PCSK5: variants seen among roughly 807,000 people sequenced by gnomAD.
The protein encoded by PCSK5 is proprotein convertase subtilisin/kexin type 5.
In PCSK5, 129 loss-of-function variants were observed where a neutral mutation model predicts 233.2. That is an observed-to-expected ratio of 0.55 (90% confidence interval 0.48 to 0.64). PCSK5 has a LOEUF of 0.64. PCSK5 is among the 30% of genes least tolerant of loss of function. The probability of loss-of-function intolerance (pLI) is 0.00; values close to 1 mark genes in which losing one functional copy is unlikely to be tolerated. For missense variants in PCSK5, 2,076 were observed against 2,430.1 expected, an observed-to-expected ratio of 0.85 and a Z score of 3.06; for synonymous variants, 825 against 879.2, an observed-to-expected ratio of 0.94 and a Z score of 1.09.
intron 10 of PCSK5, among the ~76,000 whole-genome samples, chr9:76,138,009 G>A (rs1018169304): frequency 6.6e-6 from 1 of 151,994 alleles, no homozygotes; most frequent in Non-Finnish European, 1.5e-5. Context: ...GAAGGCTTTT[G>A]CCATTCCAGC....
chr9:75,990,988 A>G (rs1451331316), intron 3 of PCSK5, among the ~76,000 whole-genome samples: 2 of 152,198 alleles, frequency 1.3e-5, no homozygotes, highest in South Asian at 2.1e-4. Flanking sequence ...TGTCATTTCC[A>G]TAGTAGAGAA....
intron 7 of PCSK5, among the ~76,000 whole-genome samples, chr9:76,093,700 A>G (rs1417348183): frequency 6.6e-6 from 1 of 152,078 alleles, no homozygotes. Flanking sequence ...AATCCCATAT[A>G]TTCTATTGAC....
At chr9:76,115,850 G>A (rs6560499) in intron 9 of PCSK5, among the ~76,000 whole-genome samples, 94,351 of 151,854 alleles carry the variant, frequency 0.62, 29,953 homozygotes, top group African/African-American at 0.75. Context: ...ATCTGTTTAT[G>A]TGCCAAGTTT....
At chr9:75,986,852 T>C (rs570772752) in intron 3 of PCSK5, among the ~76,000 whole-genome samples, 13 of 152,302 alleles carry the variant, frequency 8.5e-5, no homozygotes, top group African/African-American at 3.1e-4. Flanking sequence ...TCCACCAGTT[T>C]ACTTGGCATG....
intron 24 of PCSK5, among the ~76,000 whole-genome samples, chr9:76,259,929 G>C (rs73462424): frequency 6.6e-6 from 1 of 152,238 alleles, no homozygotes. Flanking sequence ...GCAGCTTGCC[G>C]CCTCTCTTCT....
At chr9:75,976,000 C>T (rs1825998538) in intron 2 of PCSK5, among the ~76,000 whole-genome samples, 1 of 152,036 alleles carries the variant, frequency 6.6e-6, no homozygotes, top group African/African-American at 2.4e-5. Context: ...GAATTTAACC[C>T]CAGGTGGCAT....
chr9:76,157,154 A>G lies in PCSK5; in HGVS notation c.1422A>G (p.Arg474=), dbSNP rs1822622497. The stretch of plus-strand genomic sequence containing the variant: ...ACGTGTGTGTGGAGAGCACAGACCG[A>G]CAAATCAAGTAATGCTTGCTGCCGG... ...RQHVCVESTD[R]QIKTIRPNSA... Residue 474 remains arginine, a synonymous_variant, in exon 11 of 38, where the codon CGA becomes CGG. Transcript: ENST00000674117. 1 of 1,609,386 alleles carries G rather than the reference A, an allele frequency of 6.2e-7. No individual in the cohort carries two copies.
intron 34 of PCSK5, among the ~76,000 whole-genome samples, chr9:76,335,427 T>C (rs2131490082): frequency 6.6e-6 from 1 of 152,304 alleles, no homozygotes; most frequent in Non-Finnish European, 1.5e-5. Context: ...GCATAACCCT[T>C]GTATGTTAAA....
rs2131361097 is a variant in PCSK5, at chr9:75,969,288, A to C, written c.298-16844A>C. Reference sequence around the variant, plus strand: ...GACTCAGTCGACTTTTACTAACTACACAGAATCTCAGAACTTTGGTGATTG... The same window carrying C: ...GACTCAGTCGACTTTTACTAACTACCCAGAATCTCAGAACTTTGGTGATTG... On this transcript the variant is annotated intron_variant, in intron 2 of 37. Transcript: ENST00000674117. Among the ~76,000 whole-genome samples, 3 of 152,356 alleles carry C rather than the reference A, an allele frequency of 2.0e-5. No individual in the cohort carries two copies. In the South Asian group the frequency reaches 6.2e-4, roughly 32 times the overall value.
At chr9:76,270,065 G>A (rs1827462079) in intron 24 of PCSK5, among the ~76,000 whole-genome samples, 1 of 151,578 alleles carries the variant, frequency 6.6e-6, no homozygotes, top group African/African-American at 2.4e-5. Flanking sequence ...AATCACACAG[G>A]ATGTCTCTTA....
chr9:76,319,318 A>G (rs1829122361), intron 30 of PCSK5, among the ~76,000 whole-genome samples: 1 of 149,484 alleles, frequency 6.7e-6, no homozygotes, highest in Non-Finnish European at 1.5e-5. Flanking sequence ...GAAGGCACAA[A>G]CTGTTTCAGT....
intron 24 of PCSK5, among the ~76,000 whole-genome samples, chr9:76,246,858 C>T (rs1826621446): frequency 6.6e-6 from 1 of 152,226 alleles, no homozygotes; most frequent in Non-Finnish European, 1.5e-5. Flanking sequence ...GGGGTCCTTG[C>T]TCCCAGAGCT....
chr9:76,318,688 T>G (rs777292216), intron 30 of PCSK5, among the ~76,000 whole-genome samples: 4 of 152,200 alleles, frequency 2.6e-5, no homozygotes, highest in Non-Finnish European at 5.9e-5. Flanking sequence ...AAAATATGTT[T>G]AGTGCTGTGT....
chr9:75,959,469 C>T (rs1448593518), intron 2 of PCSK5, among the ~76,000 whole-genome samples: 2 of 152,176 alleles, frequency 1.3e-5, no homozygotes, highest in African/African-American at 2.4e-5. Flanking sequence ...GTTTGATGTA[C>T]ACATGAGACT....
chr9:75,893,137 A>C (rs1179883192), intron 1 of PCSK5, among the ~76,000 whole-genome samples: 1 of 152,214 alleles, frequency 6.6e-6, no homozygotes, highest in Admixed American at 6.5e-5. Flanking sequence ...CCAGAGATTC[A>C]TCTCGGGTTC....
At chr9:75,929,924 A>C (rs1467317993) in intron 1 of PCSK5, among the ~76,000 whole-genome samples, 3 of 148,158 alleles carry the variant, frequency 2.0e-5, no homozygotes, top group African/African-American at 7.5e-5. Context: ...GTACAGTGGC[A>C]CGATCTTGGC....
Position 76,003,962 on chromosome 9 carries a change from A to AT in PCSK5, c.411+17724dup, listed in dbSNP as rs561130709. On this transcript the variant is annotated intron_variant, in intron 3 of 37. Transcript: ENST00000674117. ...AGGTGTGCACCACCACAGCTGGCTAATTTTTTTATTTTTATTTTTTGTAGA... is the reference window on the plus strand; with the variant it reads ...AGGTGTGCACCACCACAGCTGGCTAATTTTTTTTATTTTTATTTTTTGTAGA... Among the ~76,000 whole-genome samples, 29 of 152,098 alleles carry AT rather than the reference A, an allele frequency of 1.9e-4. No individual in the cohort carries two copies. The South Asian group carries it at 4.6e-3, about 24-fold the overall frequency.
intron 5 of PCSK5, among the ~76,000 whole-genome samples, chr9:76,059,181 G>A (rs1017437032): frequency 3.3e-5 from 5 of 152,186 alleles, no homozygotes; most frequent in Admixed American, 2.6e-4. Flanking sequence ...AAGGTGATAT[G>A]AGAATGTCTG....
At chr9:76,056,757 T>C (rs1315217162) in intron 5 of PCSK5, among the ~76,000 whole-genome samples, 1 of 152,206 alleles carries the variant, frequency 6.6e-6, no homozygotes, top group African/African-American at 2.4e-5. Context: ...TTGACAGTAA[T>C]GACAGTATCC....
Sources: allele counts gnomAD v4.1 joint callset (sites outside exome capture counted in the v4.1 genomes callset), GRCh38; gene constraint gnomAD v4.1.1; transcripts MANE v1.5; gene names NCBI Gene and HGNC (gene_info 2026-07-23, HGNC 2026-07-21).